The following PLXNA2 variants were observed in gnomAD, a reference collection of about 807,000 sequenced individuals.
The protein encoded by PLXNA2 is plexin A2.
A neutral mutation model predicts 193.5 loss-of-function variants in PLXNA2; 91 were observed. That is an observed-to-expected ratio of 0.47 (90% CI 0.40 to 0.56). The LOEUF (loss-of-function observed/expected upper bound fraction) is 0.56, where lower values mean the gene tolerates loss of function less well. PLXNA2 is among the 20% of genes least tolerant of loss of function. PLXNA2 has a pLI of 0.00. For missense variants in PLXNA2, 1,995 were observed against 2,503.2 expected (o/e 0.80, Z 4.33); for synonymous variants, 997 against 1,027.3 (o/e 0.97, Z 0.56).
At chr1:208,187,387 CT>C (rs1232513387) in intron 3 of PLXNA2, among the ~76,000 whole-genome samples, 1 of 152,118 alleles carries the variant, frequency 6.6e-6, no homozygotes, top group Non-Finnish European at 1.5e-5. Flanking sequence ...AGAGGCTGAT[CT>C]TGGTTCTGTG....
intron 9 of PLXNA2, among the ~76,000 whole-genome samples, chr1:208,088,098 T>C (rs1365860747): frequency 6.6e-6 from 1 of 152,220 alleles, no homozygotes; most frequent in East Asian, 1.9e-4. Flanking sequence ...ATCTTCTTTC[T>C]CCTCTGTCTC....
intron 3 of PLXNA2, chr1:208,209,988 T>TTTTTTTTTTTTTTTTTTTTTTTG (rs1670879351): frequency 5.8e-6 from 1 of 173,106 alleles, no homozygotes; most frequent in African/African-American, 2.5e-5. Flanking sequence ...GAGCAATTTT[T>TTTTTTTTTTTTTTTTTTTTTTTG]TTTTTTTTTT....
intron 14 of PLXNA2, among the ~76,000 whole-genome samples, 181 bp from the exon 15 acceptor site, chr1:208,052,644 T>A (rs139245258): frequency 2.0e-3 from 308 of 152,236 alleles, no homozygotes; most frequent in African/African-American, 7.3e-3. Flanking sequence ...CTAAGAATCA[T>A]CTCTGGGCAT....
intron 17 of PLXNA2, among the ~76,000 whole-genome samples, chr1:208,048,308 GGAT>G (rs1206222733): frequency 1.3e-5 from 2 of 152,354 alleles, no homozygotes; most frequent in African/African-American, 4.8e-5. Context: ...GGTGTGCTGA[GGAT>G]GAGCTGGGGC....
At chr1:208,068,639 A>G (rs1171245048) in intron 12 of PLXNA2, among the ~76,000 whole-genome samples, 1 of 152,170 alleles carries the variant, frequency 6.6e-6, no homozygotes, top group Non-Finnish European at 1.5e-5. Flanking sequence ...GGCCTGATTG[A>G]TTGATGTGCA....
chr1:208,103,704 T>C (rs1667170804), intron 4 of PLXNA2, among the ~76,000 whole-genome samples: 1 of 152,216 alleles, frequency 6.6e-6, no homozygotes, highest in Non-Finnish European at 1.5e-5. Context: ...ATAATATTCA[T>C]AGTATGGTAC....
At chr1:208,060,560 C>A in intron 13 of PLXNA2, 126 bp downstream of exon 13, 1 of 947,880 alleles carries the variant, frequency 1.1e-6, no homozygotes, top group Non-Finnish European at 1.5e-6. Flanking sequence ...GCTTCTGGGG[C>A]AGGTCCATGG....
chr1:208,069,430 CT>C (rs2102364494), intron 12 of PLXNA2, among the ~76,000 whole-genome samples: 1 of 152,322 alleles, frequency 6.6e-6, no homozygotes, highest in Non-Finnish European at 1.5e-5. Flanking sequence ...CGCGGTGATG[CT>C]GCACCCGACC....
chr1:208,052,665 G>T (rs907990412), intron 14 of PLXNA2, among the ~76,000 whole-genome samples: 5 of 152,076 alleles, frequency 3.3e-5, no homozygotes, highest in Non-Finnish European at 7.4e-5. Context: ...GTCCGGGAAG[G>T]CAGAAGAGTC....
Position 208,107,574 on chromosome 1 carries a change from C to T in PLXNA2, c.1507-4327G>A, listed in dbSNP as rs1004954206. 7.3e-5 allele frequency among the ~76,000 whole-genome samples: 11 copies of T among 151,640 alleles called. No individual in the cohort carries two copies. In the South Asian group the frequency reaches 1.5e-3, roughly 20 times the overall value. On this transcript the variant is annotated intron_variant, in intron 4 of 31. Coordinates refer to ENST00000367033, the MANE Select transcript of PLXNA2 (RefSeq NM_025179.4). ...CCCAGCACTTGTTCTAGGGCTGGGT[C>T]GGGTGGGGAGGGAGATGTCTTCAGA...
In PLXNA2 at chr1:208,026,646, C is replaced by T. The variant is rs996033087; in HGVS notation, c.*597G>A. ...TTGTGCTCATCATTCTTCTTCTCCT[C>T]TTTCTCTTTTTTTTTTTTTTTTTAA... On this transcript the variant is annotated 3_prime_UTR_variant, in exon 32 of 32. Coordinates refer to ENST00000367033, the MANE Select transcript of PLXNA2 (RefSeq NM_025179.4). 1.5e-5 allele frequency: 1 copy of T among 68,282 alleles called. No individual in the cohort carries two copies. Among genetic ancestry groups the T allele is most frequent in the Non-Finnish European group, 3.6e-5 (1 of 28,006 alleles). The allele number at this position is 68,282 out of a possible 1,614,324, so 4.2% of individuals were successfully genotyped here.
rs982686485 is a variant in PLXNA2 at position 208,031,151 on chromosome 1, A to G, written c.5225+439T>C. 6.0e-6 allele frequency: 6 copies of G among 1,003,212 alleles called. No homozygotes were observed. The African/African-American group carries it at 1.0e-4, about 17-fold the overall frequency. 62.1% of individuals were successfully genotyped at this position (1,003,212 alleles called of 1,614,324 possible). Reference sequence around the variant, plus strand: ...TTCACCGGGCGTCTCAGTTTAATTCAGGGATTCCCCATCTCAGGAAGTGCC... The same window carrying G: ...TTCACCGGGCGTCTCAGTTTAATTCGGGGATTCCCCATCTCAGGAAGTGCC... On this transcript the variant is annotated intron_variant, in intron 29 of 31. Transcript: ENST00000367033.
At chr1:208,099,267 C>G (rs998877926) in intron 5 of PLXNA2, among the ~76,000 whole-genome samples, 1 of 152,120 alleles carries the variant, frequency 6.6e-6, no homozygotes, top group African/African-American at 2.4e-5. Context: ...TTGGACAAAA[C>G]GCACAAACAA....
chr1:208,164,315 G>A (rs958288751), intron 3 of PLXNA2, among the ~76,000 whole-genome samples: 4 of 152,158 alleles, frequency 2.6e-5, no homozygotes, highest in Admixed American at 1.3e-4. Flanking sequence ...CTGAGGAGGC[G>A]GAAGAGGAGA....
intron 3 of PLXNA2, among the ~76,000 whole-genome samples, chr1:208,209,312 C>A (rs1670847417): frequency 6.6e-6 from 1 of 152,108 alleles, no homozygotes; most frequent in South Asian, 2.1e-4. Context: ...TCCACATTTC[C>A]AAACAACATC....
chr1:208,028,078 G>T lies in PLXNA2; in HGVS notation c.5520C>A (p.His1840Gln). ...CACTCAGCATGTTGAACTCCACGGC[G>T]TGCAGGCGGGACTGCTCGGCGAGGT... ...NAYLAEQSRL[H>Q]AVEFNMLSAL... is the part of the protein sequence containing the mutation. Residue 1840 changes from histidine (H) to glutamine (Q), a missense_variant, in exon 31 of 32, where the codon CAC (histidine) becomes CAA (glutamine). His to Gln is a conservative substitution (Grantham distance 24). Coordinates refer to ENST00000367033, the MANE Select transcript of PLXNA2 (RefSeq NM_025179.4). The surrounding 1 kb of genome is among the most constrained non-coding windows in gnomAD (Gnocchi z 4.2). 1 of 1,613,430 alleles carries T rather than the reference G, an allele frequency of 6.2e-7. No individual in the cohort carries two copies. Among genetic ancestry groups the T allele is most frequent in the Non-Finnish European group, 8.5e-7 (1 of 1,179,718 alleles).
At position 208,092,893 on chromosome 1, in the gene PLXNA2, A is replaced by G. The variant is rs745308027; in HGVS notation, c.1990T>C (p.Ser664Pro). 21 of 1,612,628 alleles carry G rather than the reference A, an allele frequency of 1.3e-5. No individual in the cohort carries two copies. The South Asian group carries it at 2.1e-4, about 16-fold the overall frequency. ...YNCSAHQLCL[S>P]CVNSAFRCHW... is the part of the protein sequence containing the mutation. ...CAGCGGAAGGCGCTGTTGACACAGG[A>G]CAGGCACCTGCAAGGACAGAGATGG... Residue 664 changes from serine (S) to proline (P), a missense_variant, in exon 9 of 32, where the codon TCC becomes CCC. Ser to Pro is a moderately conservative substitution (Grantham distance 74, BLOSUM62 -1). Transcript: ENST00000367033.
At chr1:208,119,078 C>G (rs574728336) in intron 4 of PLXNA2, among the ~76,000 whole-genome samples, 1 of 152,186 alleles carries the variant, frequency 6.6e-6, no homozygotes, top group Non-Finnish European at 1.5e-5. Context: ...ACGGGTGATG[C>G]ATTATCATTC....
At chr1:208,116,020 A>G (rs1571934177) in intron 4 of PLXNA2, among the ~76,000 whole-genome samples, 1 of 152,020 alleles carries the variant, frequency 6.6e-6, no homozygotes. Context: ...TGACGTTTCC[A>G]CTCCTGACCC....
Sources: allele counts gnomAD v4.1 joint callset (sites outside exome capture counted in the v4.1 genomes callset), GRCh38; gene constraint gnomAD v4.1.1; non-coding constraint Gnocchi (gnomAD v3.1); transcripts MANE v1.5; gene names NCBI Gene and HGNC (gene_info 2026-07-23, HGNC 2026-07-21).